The following SHISA6 variants were observed in gnomAD, a reference collection of about 807,000 sequenced individuals.
SHISA6 encodes protein shisa-6.
In SHISA6, 22 loss-of-function variants were observed where a neutral mutation model predicts 47.9. That is an observed-to-expected ratio of 0.46 (90% CI 0.33 to 0.66). The LOEUF is 0.66. SHISA6 is among the 30% of genes least tolerant of loss of function. The probability of loss-of-function intolerance (pLI) is 0.02; values close to 1 mark genes in which losing one functional copy is unlikely to be tolerated. For synonymous variants in SHISA6, 388 were observed against 337.8 expected, an observed-to-expected ratio of 1.15 and a Z score of -1.63; for missense variants, 680 against 764.6, an observed-to-expected ratio of 0.89 and a Z score of 1.30.
At chr17:11,412,443 A>C (rs1362449152) in intron 3 of SHISA6, among the ~76,000 whole-genome samples, 1 of 152,156 alleles carries the variant, frequency 6.6e-6, no homozygotes, top group African/African-American at 2.4e-5. Flanking sequence ...TAAGAAACAT[A>C]AATATGATTT....
At chr17:11,325,717 G>A (rs1279993430) in intron 2 of SHISA6, among the ~76,000 whole-genome samples, 1 of 150,798 alleles carries the variant, frequency 6.6e-6, no homozygotes, top group African/African-American at 2.4e-5. Context: ...AAAAAGACTT[G>A]ATGTCAAGAG....
intron 2 of SHISA6, among the ~76,000 whole-genome samples, chr17:11,293,638 C>T (rs938045305): frequency 6.6e-6 from 1 of 151,994 alleles, no homozygotes; most frequent in African/African-American, 2.4e-5. Flanking sequence ...GCTGTAGGAA[C>T]GCAAGCATGG....
Position 11,394,513 on chromosome 17 carries a change from A to G in SHISA6, c.895+15004A>G, listed in dbSNP as rs114965779. On this transcript the variant is annotated intron_variant, in intron 3 of 5. Coordinates refer to ENST00000441885, the MANE Select transcript of SHISA6 (RefSeq NM_207386.4). ...CTCAATCATATACATTTTTGAACAC[A>G]AAAGTCTGCATATTGCCTTTTTCAG... Among the ~76,000 whole-genome samples, 938 of 152,244 alleles carry G rather than the reference A, an allele frequency of 6.2e-3. 12 individuals are homozygous for G. The highest frequency in any genetic ancestry group is 0.021 in the African/African-American group (869 of 41,536).
At chr17:11,358,473 CCTCAGCCTCCCGAGTAGCTGGGA>C (rs1021634491) in intron 2 of SHISA6, among the ~76,000 whole-genome samples, 5 of 151,660 alleles carry the variant, frequency 3.3e-5, no homozygotes, top group Non-Finnish European at 5.9e-5. Flanking sequence ...CATTCTCCTG[CCTCAGCCTCCCGAGTAGCTGGGA>C]CTACAGGCGC....
At chr17:11,394,998 CTTTTTTTTTTT>C (rs772109588) in intron 3 of SHISA6, among the ~76,000 whole-genome samples, 1 of 95,102 alleles carries the variant, frequency 1.1e-5, no homozygotes, top group Admixed American at 1.2e-4. Context: ...TTTTTCTTTT[CTTTTTTTTTTT>C]TTTTTTTTTT....
intron 3 of SHISA6, among the ~76,000 whole-genome samples, chr17:11,441,195 T>C (rs1915085459): frequency 6.6e-6 from 1 of 152,204 alleles, no homozygotes; most frequent in Non-Finnish European, 1.5e-5. Context: ...ACTGGGGCAG[T>C]CCAAAGGCTG....
At position 11,558,524 on chromosome 17, in the gene SHISA6, G is replaced by A. The variant is rs933185254; in HGVS notation, c.*220G>A. ...CCCAGGACCAAGAGCAATCGCTCTT[G>A]CTCCTCCAGAAGAATCAGTGGGGAG... On this transcript the variant is annotated 3_prime_UTR_variant, in exon 6 of 6. Coordinates refer to ENST00000441885, the MANE Select transcript of SHISA6 (RefSeq NM_207386.4). The A allele has an allele frequency of 5.1e-6, 3 of 592,418 alleles. No homozygotes were observed. Among genetic ancestry groups the A allele is most frequent in the African/African-American group, 3.7e-5 (2 of 53,678 alleles). 36.7% of individuals were successfully genotyped at this position (592,418 alleles called of 1,614,324 possible).
intron 3 of SHISA6, among the ~76,000 whole-genome samples, chr17:11,506,842 G>A (rs141183567): frequency 5.9e-5 from 9 of 152,276 alleles, no homozygotes; most frequent in African/African-American, 1.4e-4. Flanking sequence ...GGACAGCACC[G>A]TCGCCCCAAC....
At chr17:11,313,269 T>C (rs4791463) in intron 2 of SHISA6, among the ~76,000 whole-genome samples, 55,206 of 152,082 alleles carry the variant, frequency 0.36, 10,344 homozygotes, top group African/African-American at 0.47. Flanking sequence ...TTAAAAATTG[T>C]ATTTCACTGT....
intron 3 of SHISA6, among the ~76,000 whole-genome samples, chr17:11,510,416 A>C (rs1053765134): frequency 2.6e-5 from 4 of 152,146 alleles, no homozygotes; most frequent in Non-Finnish European, 4.4e-5. Context: ...CAAGTTGGAC[A>C]AGGATTTCCA....
rs190958025 is a variant in SHISA6 at position 11,500,541 on chromosome 17, A to T, written c.896-51355A>T. Among the ~76,000 whole-genome samples the T allele has an allele frequency of 6.3e-4, 96 of 152,300 alleles. 1 individual carries two copies. Among genetic ancestry groups the T allele is most frequent in the African/African-American group, 2.1e-3 (86 of 41,582 alleles). On this transcript the variant is annotated intron_variant, in intron 3 of 5. Coordinates refer to ENST00000441885, the MANE Select transcript of SHISA6 (RefSeq NM_207386.4). ...TTGCTCAAGGTTCCATGGTAGTGTC[A>T]AGTGGGGACCTCCAGTCCAGGCCAC...
intron 3 of SHISA6, among the ~76,000 whole-genome samples, chr17:11,544,888 G>A (rs2071869138): frequency 6.7e-6 from 1 of 149,960 alleles, no homozygotes; most frequent in Non-Finnish European, 1.5e-5. Context: ...ATGAACCTAG[G>A]AGGCGGAGCT....
At chr17:11,550,198 G>A (rs961065222) in intron 3 of SHISA6, among the ~76,000 whole-genome samples, 2 of 152,088 alleles carry the variant, frequency 1.3e-5, no homozygotes, top group African/African-American at 4.8e-5. Context: ...GGGATTACAG[G>A]CACATGCCAC....
chr17:11,375,035 T>G, intron 2 of SHISA6, among the ~76,000 whole-genome samples: 1 of 152,116 alleles, frequency 6.6e-6, no homozygotes, highest in East Asian at 1.9e-4. Context: ...GTTGCTGCAC[T>G]TTCTGTAGGT....
chr17:11,320,459 A>T (rs1234578457), intron 2 of SHISA6, among the ~76,000 whole-genome samples: 1 of 152,098 alleles, frequency 6.6e-6, no homozygotes, highest in African/African-American at 2.4e-5. Flanking sequence ...GGAGTTCAAG[A>T]CCAGCCTGGC....
rs182923672 is a variant in SHISA6 at position 11,449,293 on chromosome 17, A to G, written c.895+69784A>G. 2.2e-4 allele frequency among the ~76,000 whole-genome samples: 33 copies of G among 152,006 alleles called. No individual in the cohort carries two copies. The East Asian group carries it at 5.5e-3, about 25-fold the overall frequency. On this transcript the variant is annotated intron_variant, in intron 3 of 5. Transcript: ENST00000441885. ...CTCGTCTCTACTAAAATACAAAGAAATTAGCTGGGCGTGGTAGCATGTGCC... is the reference window on the plus strand; with the variant it reads ...CTCGTCTCTACTAAAATACAAAGAAGTTAGCTGGGCGTGGTAGCATGTGCC...
At chr17:11,438,606 A>G (rs909811248) in intron 3 of SHISA6, among the ~76,000 whole-genome samples, 1 of 152,196 alleles carries the variant, frequency 6.6e-6, no homozygotes, top group Non-Finnish European at 1.5e-5. Flanking sequence ...CACCAGTCCT[A>G]TCAGACTTTC....
In SHISA6 at chr17:11,399,149, G is replaced by A. The variant is rs548288156; in HGVS notation, c.895+19640G>A. 8.5e-5 allele frequency among the ~76,000 whole-genome samples: 13 copies of A among 152,314 alleles called. No individual in the cohort carries two copies. In the East Asian group the frequency reaches 2.5e-3, roughly 29 times the overall value. The stretch of plus-strand genomic sequence containing the variant: ...AAGGCTGGGGCTGTCTGATTATAAT[G>A]TTTTGATTGTATTTTACAACAGAAA... On this transcript the variant is annotated intron_variant, in intron 3 of 5. Transcript: ENST00000441885.
intron 3 of SHISA6, among the ~76,000 whole-genome samples, chr17:11,418,571 G>A (rs1210041523): frequency 6.6e-6 from 1 of 152,074 alleles, no homozygotes. Flanking sequence ...ACATAAAAGG[G>A]AAACAGTAAC....
Sources: allele counts gnomAD v4.1 joint callset (sites outside exome capture counted in the v4.1 genomes callset), GRCh38; gene constraint gnomAD v4.1.1; transcripts MANE v1.5; gene names NCBI Gene and HGNC (gene_info 2026-07-23, HGNC 2026-07-21).